The following PAICS variants were observed in gnomAD, a reference collection of about 807,000 sequenced individuals.
PAICS encodes bifunctional phosphoribosylaminoimidazole carboxylase/phosphoribosylaminoimidazole succinocarboxamide synthetase.
A neutral mutation model predicts 53.7 loss-of-function variants in PAICS; 33 were observed. The observed-to-expected ratio is 0.61, with a 90% CI of 0.47 to 0.82. The LOEUF (loss-of-function observed/expected upper bound fraction) is 0.82, where lower values mean the gene tolerates loss of function less well. Among genes scored for constraint, PAICS ranks in the 40% least tolerant of loss-of-function variants. PAICS has a pLI of 0.00. For synonymous variants in PAICS, 141 were observed against 167.2 expected (o/e 0.84, Z 1.21); for missense variants, 394 against 494.1 (o/e 0.80, Z 1.92).
At chr4:56,441,552 A>G in intron 1 of PAICS, 111 bp from the exon 2 acceptor site, 1 of 460,092 alleles carries the variant, frequency 2.2e-6, no homozygotes, top group South Asian at 7.2e-5. Flanking sequence ...TTTAATTTTT[A>G]TTAATATTAC....
In PAICS at chr4:56,448,722, G is replaced by A; in HGVS notation, c.586G>A (p.Val196Ile). The A allele has an allele frequency of 1.3e-6, 2 of 1,584,784 alleles. No homozygotes were observed. Among genetic ancestry groups the A allele is most frequent in the Non-Finnish European group, 1.7e-6 (2 of 1,160,742 alleles). Residue 196 changes from valine (V) to isoleucine (I), a missense_variant, in exon 5 of 9, where the codon GTT becomes ATT. Val to Ile is a conservative substitution (Grantham distance 29). Coordinates refer to ENST00000512576, the MANE Select transcript of PAICS (RefSeq NM_001079524.2). ...TLVDMKIEFG[V>I]DVTTKEIVLA... ...ATGCTGTTTCCAGATTGAATTTGGT[G>A]TTGATGTAACCACCAAAGAAATTGT... is the stretch of plus-strand genomic sequence containing the variant.
chr4:56,410,862 C>T, the PAICS span: 7 of 933,700 alleles, frequency 7.5e-6, no homozygotes, highest in South Asian at 1.0e-4. Flanking sequence ...TACCTGGAAA[C>T]GCTCAGCCCA....
intron 2 of PAICS, among the ~76,000 whole-genome samples, chr4:56,443,292 A>G (rs143709683): frequency 6.6e-6 from 1 of 152,210 alleles, no homozygotes; most frequent in African/African-American, 2.4e-5. Flanking sequence ...AGCGATTCTC[A>G]TGCCTCAGCC....
At chr4:56,432,646 G>C, upstream of PAICS, among the ~76,000 whole-genome samples, 1 of 151,568 alleles carries the variant, frequency 6.6e-6, no homozygotes, top group East Asian at 1.9e-4. Context: ...TTAGCCGGGC[G>C]TGGTGGGGGG....
intron 1 of PAICS, among the ~76,000 whole-genome samples, chr4:56,437,509 T>C (rs1718078036): frequency 6.6e-6 from 1 of 151,966 alleles, no homozygotes; most frequent in African/African-American, 2.4e-5. Flanking sequence ...AGAAAGTAAC[T>C]GAATTCAGAT....
At chr4:56,437,183 G>A (rs1718045329) in intron 1 of PAICS, among the ~76,000 whole-genome samples, 1 of 150,610 alleles carries the variant, frequency 6.6e-6, no homozygotes, top group Non-Finnish European at 1.5e-5. Flanking sequence ...GTGTGCGCGC[G>A]CGTGTTGAAG....
intron 2 of PAICS, among the ~76,000 whole-genome samples, chr4:56,443,251 G>A (rs1453262309): frequency 1.3e-5 from 2 of 152,044 alleles, no homozygotes; most frequent in Admixed American, 6.6e-5. Context: ...GCACAATCTC[G>A]GATTACTGCA....
chr4:56,413,765 TG>T, the PAICS span, among the ~76,000 whole-genome samples: 3 of 151,854 alleles, frequency 2.0e-5, no homozygotes, highest in Admixed American at 6.6e-5. Flanking sequence ...GGCTTGGTGG[TG>T]GGCACCTGTA....
chr4:56,425,723 G>A, the PAICS span, among the ~76,000 whole-genome samples: 4 of 152,150 alleles, frequency 2.6e-5, no homozygotes, highest in African/African-American at 4.8e-5. Flanking sequence ...GAAAAAGACC[G>A]ACCATGTGAT....
chr4:56,448,007 C>CT (rs35788109), intron 3 of PAICS, among the ~76,000 whole-genome samples: 56,938 of 121,904 alleles, frequency 0.47, 13,689 homozygotes, highest in Admixed American at 0.53. Flanking sequence ...AATTTCTTTT[C>CT]TTTTTTTTTT....
At chr4:56,445,518 C>T (rs1191781407) in intron 2 of PAICS, among the ~76,000 whole-genome samples, 6 of 151,992 alleles carry the variant, frequency 3.9e-5, no homozygotes, top group Non-Finnish European at 7.4e-5. Flanking sequence ...ACCCAGGCGG[C>T]GGAGGTTGCA....
intron 2 of PAICS, among the ~76,000 whole-genome samples, chr4:56,443,432 C>T (rs1718435199): frequency 6.6e-6 from 1 of 152,018 alleles, no homozygotes; most frequent in Admixed American, 6.5e-5. Context: ...AAGTGATCCA[C>T]CCGCATTGGC....
At chr4:56,418,218 AC>A in the PAICS span, among the ~76,000 whole-genome samples, 2 of 152,154 alleles carry the variant, frequency 1.3e-5, no homozygotes, top group African/African-American at 4.8e-5. Flanking sequence ...CTGGAGGTTC[AC>A]TTGAACCTGG....
At chr4:56,418,763 C>G in the PAICS span, among the ~76,000 whole-genome samples, 1 of 152,082 alleles carries the variant, frequency 6.6e-6, no homozygotes, top group Non-Finnish European at 1.5e-5. Context: ...GAGAAAAACA[C>G]AAGATTGGTT....
chr4:56,419,334 A>G, the PAICS span, among the ~76,000 whole-genome samples: 3 of 152,262 alleles, frequency 2.0e-5, no homozygotes, highest in South Asian at 4.2e-4. Flanking sequence ...CACCCTACAT[A>G]CTAAAGGAGT....
chr4:56,439,339 C>T (rs1440384893), intron 1 of PAICS, among the ~76,000 whole-genome samples: 2 of 152,074 alleles, frequency 1.3e-5, no homozygotes, highest in Non-Finnish European at 2.9e-5. Flanking sequence ...CAGGTTCAAG[C>T]GATTTTCCTG....
At chr4:56,430,205 C>T in the PAICS span, among the ~76,000 whole-genome samples, 1 of 152,148 alleles carries the variant, frequency 6.6e-6, no homozygotes, top group Non-Finnish European at 1.5e-5. Context: ...AATTGCATGT[C>T]TCTCAATGGA....
chr4:56,412,389 G>C, the PAICS span, among the ~76,000 whole-genome samples: 1 of 150,090 alleles, frequency 6.7e-6, no homozygotes, highest in Non-Finnish European at 1.5e-5. Flanking sequence ...GCTCATTGCT[G>C]CCTCAACTTC....
chr4:56,436,711 G>A (rs778013685), intron 1 of PAICS: 28 of 446,270 alleles, frequency 6.3e-5, no homozygotes, highest in Non-Finnish European at 1.2e-4. Context: ...GACCTGTCTA[G>A]AGGCCGGGCC....
Sources: gnomAD v4.1 joint callset for allele counts (sites outside exome capture counted in the v4.1 genomes callset) on GRCh38, gnomAD v4.1.1 for gene constraint, MANE v1.5 for transcripts, NCBI Gene and HGNC (gene_info 2026-07-23, HGNC 2026-07-21) for gene names.